The following TBC1D23 variants were observed in gnomAD, a reference collection of about 807,000 sequenced individuals.
TBC1D23 encodes the protein TBC1 domain family member 23.
Under a neutral mutation model 91.4 loss-of-function variants are expected in TBC1D23, and 55 were observed. The ratio of observed to expected loss-of-function variants is 0.60; its 90% CI spans 0.48 to 0.75. The LOEUF (loss-of-function observed/expected upper bound fraction) is 0.75, where lower values mean the gene tolerates loss of function less well. Ranked by LOEUF, TBC1D23 falls within the 30% of genes least tolerant of loss-of-function variation. TBC1D23 has a pLI of 0.00. For synonymous variants in TBC1D23, 289 were observed against 281.0 expected (o/e 1.03, Z -0.28); for missense variants, 725 against 836.1 (o/e 0.87, Z 1.64).
chr3:100,294,057 C>T (rs1012558680), intron 5 of TBC1D23, among the ~76,000 whole-genome samples: 27 of 152,028 alleles, frequency 1.8e-4, no homozygotes, highest in African/African-American at 5.3e-4. Context: ...TATGTGTTCC[C>T]GTTAATTCTC....
intron 5 of TBC1D23, among the ~76,000 whole-genome samples, chr3:100,291,595 A>G (rs1242762046): frequency 6.6e-6 from 1 of 151,790 alleles, no homozygotes; most frequent in Non-Finnish European, 1.5e-5. Flanking sequence ...AAAAAAAAAA[A>G]AAATTAAGGA....
At chr3:100,291,131 TATAAA>T (rs2067786435) in intron 5 of TBC1D23, among the ~76,000 whole-genome samples, 1 of 152,358 alleles carries the variant, frequency 6.6e-6, no homozygotes, top group East Asian at 1.9e-4. Context: ...AAATGGTTAA[TATAAA>T]AGAATATAAA....
chr3:100,291,262 A>G (rs1472392339), intron 5 of TBC1D23, among the ~76,000 whole-genome samples: 1 of 152,138 alleles, frequency 6.6e-6, no homozygotes, highest in Non-Finnish European at 1.5e-5. Context: ...AAATTTGTTG[A>G]TGATCCATAT....
Position 100,288,265 on chromosome 3 carries a change from T to G in TBC1D23, c.477-2313T>G, listed in dbSNP as rs2067761483. ...TCTAAAAAAAAAAAAAATTAAAAAA[T>G]TAAAAAAAACTGTCATTCATTTCAT... On this transcript the variant is annotated intron_variant, in intron 4 of 18. Transcript: ENST00000394144. 3.3e-5 allele frequency among the ~76,000 whole-genome samples: 5 copies of G among 151,782 alleles called. No homozygotes were observed. The South Asian group carries it at 1.0e-3, about 32-fold the overall frequency.
intron 4 of TBC1D23, 193 bp downstream of exon 4, chr3:100,284,004 A>G (rs1011202226): frequency 1.7e-5 from 9 of 534,268 alleles, no homozygotes; most frequent in South Asian, 5.7e-5. Flanking sequence ...TTAAAAATGT[A>G]TACTTCTGAA....
At chr3:100,275,433 G>A (rs1313527750) in intron 1 of TBC1D23, among the ~76,000 whole-genome samples, 1 of 152,158 alleles carries the variant, frequency 6.6e-6, no homozygotes, top group South Asian at 2.1e-4. Flanking sequence ...GACTACAGCT[G>A]CATACCACTA....
chr3:100,302,893 T>C lies in TBC1D23; in HGVS notation c.1263+656T>C, dbSNP rs145711958. Among the ~76,000 whole-genome samples, 713 of 152,324 alleles carry C rather than the reference T, an allele frequency of 4.7e-3. 2 individuals are homozygous for C. The highest frequency in any genetic ancestry group is 6.4e-3 in the Non-Finnish European group (433 of 68,026). ...ATGAGCCACTGTGCCTGGCCTATTA[T>C]GTTACATTGATCTTTATGTGTATTT... On this transcript the variant is annotated intron_variant, in intron 11 of 18. Transcript: ENST00000394144.
chr3:100,261,532 C>G (rs1259800092), intron 1 of TBC1D23: 2 of 157,758 alleles, frequency 1.3e-5, no homozygotes, highest in East Asian at 3.6e-4. Context: ...AGGAGAATCC[C>G]TCCCACTTAG....
intron 8 of TBC1D23, among the ~76,000 whole-genome samples, chr3:100,297,213 T>C (rs1456352199): frequency 6.6e-6 from 1 of 152,154 alleles, no homozygotes; most frequent in Non-Finnish European, 1.5e-5. Flanking sequence ...TAATTTCTAG[T>C]TGGTACTCAT....
intron 5 of TBC1D23, 104 bp from the exon 6 acceptor site, chr3:100,294,983 G>A (rs2067825854): frequency 8.9e-7 from 1 of 1,128,598 alleles, no homozygotes; most frequent in Non-Finnish European, 1.2e-6. Context: ...AATATCAGGT[G>A]CAGATAATTT....
At chr3:100,319,435 T>G (rs994510593) in intron 17 of TBC1D23, among the ~76,000 whole-genome samples, 2 of 152,030 alleles carry the variant, frequency 1.3e-5, no homozygotes, top group Non-Finnish European at 1.5e-5. Flanking sequence ...TGATTCTTTT[T>G]TTTTCTTTTT....
At position 100,281,765 on chromosome 3, in the gene TBC1D23, A is replaced by G; in HGVS notation, c.189A>G (p.Lys63=). ...AGATTGCTCTGAATGTTGCAGGAAA[A>G]GGTGATAGTTTGGCATCATGGGATG... ...VWKIALNVAG[K]GDSLASWDGI... The change falls in exon 3 of 19, where the codon AAA becomes AAG. Residue 63 remains lysine (K), a synonymous_variant. Coordinates refer to ENST00000394144, the MANE Select transcript of TBC1D23 (RefSeq NM_001199198.3). 6.2e-7 allele frequency: 1 copy of G among 1,611,880 alleles called. No individual in the cohort carries two copies. Among genetic ancestry groups the G allele is most frequent in the Non-Finnish European group, 8.5e-7 (1 of 1,178,446 alleles).
At position 100,261,056 on chromosome 3, in the gene TBC1D23, C is replaced by G. The variant is rs2067505575; in HGVS notation, c.38C>G (p.Ser13Trp). 1 of 1,613,800 alleles carries G rather than the reference C, an allele frequency of 6.2e-7. No individual in the cohort carries two copies. Among genetic ancestry groups the G allele is most frequent in the Non-Finnish European group, 8.5e-7 (1 of 1,179,706 alleles). ...EGEDVPPLPT[S>W]SGDGWEKDLE... ...GAAGATGTGCCGCCGCTGCCAACGTCGAGCGGCGACGGCTGGTGAGTGAAA... is the reference window on the plus strand; with the variant it reads ...GAAGATGTGCCGCCGCTGCCAACGTGGAGCGGCGACGGCTGGTGAGTGAAA... Residue 13 changes from serine to tryptophan, a missense_variant, in exon 1 of 19, where the codon TCG (serine) becomes TGG (tryptophan). By Grantham distance (177) the Ser-to-Trp change is radical. Coordinates refer to ENST00000394144, the MANE Select transcript of TBC1D23 (RefSeq NM_001199198.3).
chr3:100,282,580 G>A (rs191950514), intron 3 of TBC1D23, among the ~76,000 whole-genome samples: 1 of 152,226 alleles, frequency 6.6e-6, no homozygotes, highest in Admixed American at 6.5e-5. Flanking sequence ...TTCACAATGT[G>A]GATGAATTTA....
chr3:100,275,735 T>A (rs1235956529), intron 1 of TBC1D23, among the ~76,000 whole-genome samples: 2 of 152,192 alleles, frequency 1.3e-5, no homozygotes, highest in African/African-American at 4.8e-5. Flanking sequence ...AAGGTAATTA[T>A]AATAACCAAA....
intron 17 of TBC1D23, 70 bp downstream of exon 17, chr3:100,319,274 A>G: frequency 7.9e-7 from 1 of 1,260,418 alleles, no homozygotes; most frequent in Non-Finnish European, 1.1e-6. Flanking sequence ...AAACTGAACT[A>G]CAGAAGAACC....
chr3:100,313,065 C>A (rs533227608), intron 15 of TBC1D23, among the ~76,000 whole-genome samples: 1 of 151,814 alleles, frequency 6.6e-6, no homozygotes. Flanking sequence ...AATAACTTAT[C>A]TTCTAAGAGT....
intron 1 of TBC1D23, among the ~76,000 whole-genome samples, chr3:100,277,994 C>A (rs1030223370): frequency 6.6e-6 from 1 of 152,162 alleles, no homozygotes; most frequent in African/African-American, 2.4e-5. Flanking sequence ...TGTCAAGGAA[C>A]CTTTCAAATT....
At chr3:100,296,416 T>C (rs62281679) in intron 8 of TBC1D23, 141 bp downstream of exon 8, 10 of 529,366 alleles carry the variant, frequency 1.9e-5, no homozygotes, top group Non-Finnish European at 3.3e-5. Flanking sequence ...TTTTTTTTTT[T>C]CATCTCTGTA....
Sources: allele counts gnomAD v4.1 joint callset (sites outside exome capture counted in the v4.1 genomes callset), GRCh38; gene constraint gnomAD v4.1.1; transcripts MANE v1.5; gene names NCBI Gene and HGNC (gene_info 2026-07-23, HGNC 2026-07-21).